The following TEX14 variants were observed in gnomAD, a reference collection of about 807,000 sequenced individuals.
TEX14 encodes testis expressed 14, intercellular bridge forming factor.
Under a neutral mutation model 178.6 loss-of-function variants are expected in TEX14, and 168 were observed. The ratio of observed to expected loss-of-function variants is 0.94; its 90% CI spans 0.83 to 1.07. The LOEUF is 1.07. Ranked by LOEUF, TEX14 falls within the 50% of genes least tolerant of loss-of-function variation. The pLI is 0.00. For synonymous variants in TEX14, 626 were observed against 634.1 expected (o/e 0.99, Z 0.19); for missense variants, 1,730 against 1,753.6 (o/e 0.99, Z 0.24).
Position 58,602,464 on chromosome 17 carries a change from A to C in TEX14, c.1463T>G (p.Val488Gly). The change falls in exon 12 of 32, where the codon GTC becomes GGC. Residue 488 changes from valine to glycine, a missense_variant. Physicochemically the swap from Val to Gly is moderately radical, Grantham distance 109. Around this residue, in one of 2 missense-constraint regions of TEX14, gnomAD observed 789 missense variants for 681.2 expected, o/e 1.16. Transcript: ENST00000349033. ...YYDIVKSGIH[V>G]KQKDRTMNLQ... ...GTTCATAGTTCGGTCTTTCTGCTTG[A>C]CGTGGATGCCTGACTTAACAATATC... is the stretch of plus-strand genomic sequence containing the variant. 3 of 1,614,016 alleles carry C rather than the reference A, an allele frequency of 1.9e-6. No homozygotes were observed. The African/African-American group carries it at 4.0e-5, about 22-fold the overall frequency.
intron 19 of TEX14, 55 bp from the exon 20 acceptor site, chr17:58,579,786 T>C: frequency 7.6e-7 from 1 of 1,322,134 alleles, no homozygotes; most frequent in Non-Finnish European, 1.1e-6. Flanking sequence ...GGCAGACATA[T>C]TAAAAGGTCA....
intron 17 of TEX14, among the ~76,000 whole-genome samples, chr17:58,586,686 T>A (rs2144415071): frequency 6.6e-6 from 1 of 152,112 alleles, no homozygotes. Context: ...ATGTAGCAGT[T>A]CCTCAAATAA....
intron 9 of TEX14, among the ~76,000 whole-genome samples, chr17:58,612,280 T>C (rs2045763455): frequency 6.6e-6 from 1 of 152,164 alleles, no homozygotes; most frequent in Non-Finnish European, 1.5e-5. Flanking sequence ...ACTGCGCTCT[T>C]AGATGTCTGA....
intron 1 of TEX14, among the ~76,000 whole-genome samples, chr17:58,682,644 G>T (rs1167720452): frequency 6.6e-6 from 1 of 151,208 alleles, no homozygotes; most frequent in Admixed American, 6.6e-5. Context: ...AAAGTGCTGG[G>T]ATTATAGGCG....
chr17:58,630,440 T>C lies in TEX14; in HGVS notation c.251A>G (p.His84Arg), dbSNP rs1310310911. 1 of 1,601,060 alleles carries C rather than the reference T, an allele frequency of 6.2e-7. No homozygotes were observed. ...VLVDYGSDPN[H>R]RCFDGSTPVH... Reference sequence around the variant, plus strand: ...TAGACATCAATATTATTGTACTTACTGATTTGGATCTGATCCATAATCCAC... The same window carrying C: ...TAGACATCAATATTATTGTACTTACCGATTTGGATCTGATCCATAATCCAC... Residue 84 changes from histidine to arginine, a missense_variant and splice_region_variant, in exon 3 of 32, where the codon CAC (histidine) becomes CGC (arginine). Coordinates refer to ENST00000349033, the MANE Select transcript of TEX14 (RefSeq NM_031272.5).
chr17:58,588,682 C>T (rs934845761), intron 15 of TEX14, among the ~76,000 whole-genome samples: 1 of 152,196 alleles, frequency 6.6e-6, no homozygotes, highest in Non-Finnish European at 1.5e-5. Context: ...TGACCTACCA[C>T]TAGGTTACTA....
chr17:58,586,182 G>T (rs2044968323), intron 17 of TEX14, 100 bp from the exon 18 acceptor site: 1 of 1,317,814 alleles, frequency 7.6e-7, no homozygotes, highest in Non-Finnish European at 1.0e-6. Context: ...AACTCATAGT[G>T]TAACAATTGC....
At chr17:58,663,466 C>T (rs1407858403) in intron 1 of TEX14, among the ~76,000 whole-genome samples, 2 of 149,058 alleles carry the variant, frequency 1.3e-5, no homozygotes, top group Admixed American at 1.3e-4. Flanking sequence ...GTAACTGAAT[C>T]TAAATTTTTT....
At position 58,561,512 on chromosome 17, in the gene TEX14, A is replaced by C. The variant is rs371087084; in HGVS notation, c.4157+8T>G. 1 of 1,600,080 alleles carries C rather than the reference A, an allele frequency of 6.2e-7. No individual in the cohort carries two copies. The highest frequency in any genetic ancestry group is 2.2e-5 in the East Asian group (1 of 44,822). On this transcript the variant is annotated splice_region_variant and intron_variant, in intron 29 of 31. Coordinates refer to ENST00000349033, the MANE Select transcript of TEX14 (RefSeq NM_031272.5). ...GAAGAAAAGGATTCCCCTTTGGGGA[A>C]CAATAACCTTTCAGAGCCCTTGGGA...
intron 1 of TEX14, among the ~76,000 whole-genome samples, chr17:58,688,670 A>G (rs2047641061): frequency 6.6e-6 from 1 of 152,172 alleles, no homozygotes; most frequent in Non-Finnish European, 1.5e-5. Context: ...AAGGTCACAT[A>G]GTTGGTAACT....
At chr17:58,587,870 AGT>A in intron 16 of TEX14, 24 bp downstream of exon 16, 2 of 748,352 alleles carry the variant, frequency 2.7e-6, no homozygotes, top group Non-Finnish European at 4.3e-6. Context: ...CTCCACCACC[AGT>A]TTCCAGCCCA....
intron 18 of TEX14, among the ~76,000 whole-genome samples, chr17:58,585,526 C>T (rs887372560): frequency 1.3e-5 from 2 of 152,010 alleles, no homozygotes; most frequent in Non-Finnish European, 2.9e-5. Context: ...ACTGCAACCT[C>T]CACCTCTCAG....
At chr17:58,681,103 G>A (rs901597127) in intron 1 of TEX14, among the ~76,000 whole-genome samples, 4 of 151,944 alleles carry the variant, frequency 2.6e-5, no homozygotes, top group East Asian at 3.9e-4. Context: ...CCAACATGGC[G>A]AAACCCTCTC....
In TEX14 at chr17:58,611,316, G is replaced by A; in HGVS notation, c.1029C>T (p.His343=). ...GCAGCAGGTGCACAATCACCTCCAT[G>A]TGCAGCACTGGGAACTGGGACCGCT... is the stretch of plus-strand genomic sequence containing the variant. The part of the protein sequence containing the change: ...HERRSQFPVL[H]MEVIVHLLLQ... Residue 343 remains histidine, a synonymous_variant, in exon 10 of 32, where the codon CAC becomes CAT. Coordinates refer to ENST00000349033, the MANE Select transcript of TEX14 (RefSeq NM_031272.5). 1 of 1,613,350 alleles carries A rather than the reference G, an allele frequency of 6.2e-7. No individual in the cohort carries two copies. The highest frequency in any genetic ancestry group is 8.5e-7 in the Non-Finnish European group (1 of 1,179,598).
rs191575619 is a variant in TEX14, at chr17:58,636,604, A to G, written c.137-6050T>C. Among the ~76,000 whole-genome samples the G allele has an allele frequency of 2.6e-5, 4 of 152,304 alleles. No homozygotes were observed. The East Asian group carries it at 5.8e-4, about 22-fold the overall frequency. On this transcript the variant is annotated intron_variant, in intron 2 of 31. Coordinates refer to ENST00000349033, the MANE Select transcript of TEX14 (RefSeq NM_031272.5). ...ACCAGTCTGGTTCTAAAGTCCACGC[A>G]CTATACCACTGTCTCTGTGATATTG...
chr17:58,648,302 T>C (rs1317376732), intron 2 of TEX14, among the ~76,000 whole-genome samples: 2 of 152,166 alleles, frequency 1.3e-5, no homozygotes, highest in Non-Finnish European at 2.9e-5. Context: ...GCTGACTTCT[T>C]GCCCACCACT....
At chr17:58,667,286 T>C (rs2047230456) in intron 1 of TEX14, among the ~76,000 whole-genome samples, 1 of 152,208 alleles carries the variant, frequency 6.6e-6, no homozygotes, top group South Asian at 2.1e-4. Context: ...GCGTTCACAA[T>C]GCAAGACTTT....
intron 1 of TEX14, among the ~76,000 whole-genome samples, chr17:58,653,586 G>C (rs1016669849): frequency 6.6e-6 from 1 of 152,178 alleles, no homozygotes; most frequent in African/African-American, 2.4e-5. Flanking sequence ...GTTATGGCAG[G>C]AGTGGGTTCC....
Position 58,605,033 on chromosome 17 carries a change from G to A in TEX14, c.1281C>T (p.Ala427=). 2.5e-6 allele frequency: 4 copies of A among 1,614,100 alleles called. No homozygotes were observed. The highest frequency in any genetic ancestry group is 1.1e-5 in the South Asian group (1 of 91,072). The change falls in exon 11 of 32, where the codon GCC becomes GCT. Residue 427 remains alanine, a synonymous_variant. Coordinates refer to ENST00000349033, the MANE Select transcript of TEX14 (RefSeq NM_031272.5). ...AAPEVILQKA[A]TVKSDIYSFS... ...AGCTGTAGATGTCTGATTTCACTGT[G>A]GCTGCCTTCTGTAAGATCACTTCTG... is the stretch of plus-strand genomic sequence containing the variant.
Sources: gnomAD v4.1 joint callset for allele counts (sites outside exome capture counted in the v4.1 genomes callset) on GRCh38, gnomAD v4.1.1 for gene constraint, gnomAD v4.1.1 regional missense constraint, MANE v1.5 for transcripts, NCBI Gene and HGNC (gene_info 2026-07-23, HGNC 2026-07-21) for gene names.